UPRT: variants seen among roughly 807,000 people sequenced by gnomAD.
The protein encoded by UPRT is RP11-311P8.3.
In UPRT, 5 loss-of-function variants were observed where a neutral mutation model predicts 22.6. That is an observed-to-expected ratio of 0.22 (90% CI 0.12 to 0.47). The LOEUF (loss-of-function observed/expected upper bound fraction) is 0.47. UPRT is among the 20% of genes least tolerant of loss of function. The pLI is 0.99. For missense variants in UPRT, 181 were observed against 239.9 expected (o/e 0.75, Z 1.62); for synonymous variants, 77 against 87.7 (o/e 0.88, Z 0.68).
chrX:75,270,796 C>T (rs376002115), upstream of UPRT, among the ~76,000 whole-genome samples: 63 of 111,252 alleles, frequency 5.7e-4, no homozygotes, highest in African/African-American at 1.8e-3. Flanking sequence ...AGGAAAACTA[C>T]GTAATGTAGG....
At chrX:75,256,079 G>A (rs1452763521) in intron 4 of UPRT, among the ~76,000 whole-genome samples, 2 of 111,323 alleles carry the variant, frequency 1.8e-5, no homozygotes, top group South Asian at 3.8e-4. Context: ...TCAACAGTGC[G>A]TGGAACTTTC....
At chrX:75,195,211 G>A (rs966543591) in intron 4 of UPRT, among the ~76,000 whole-genome samples, 16 of 112,369 alleles carry the variant, frequency 1.4e-4, no homozygotes, top group African/African-American at 3.9e-4. Context: ...GGAGCTCTTC[G>A]CCAGTCATGC....
In UPRT at chrX:75,250,402, A is replaced by G. The variant is rs1371737960; in HGVS notation, c.-446-40622A>G. ...ATATCACCACCGATCCCACAGAAAT[A>G]CAAACTACCATGAAAGAATACTATA... is the stretch of plus-strand genomic sequence containing the variant. On this transcript the variant is annotated intron_variant, in intron 4 of 13. Coordinates refer to the UPRT transcript ENST00000652605. Among the ~76,000 whole-genome samples the G allele has an allele frequency of 2.7e-5, 3 of 111,369 alleles. No individual in the cohort carries two copies. The Admixed American group carries it at 2.9e-4, about 11-fold the overall frequency.
chrX:75,300,047 G>T, intron 5 of UPRT, 151 bp downstream of exon 5: 1 of 611,727 alleles, frequency 1.6e-6, no homozygotes. Flanking sequence ...TCACTGGAGA[G>T]TTTTTATTGC....
At chrX:75,253,402 A>G (rs762449535) in intron 4 of UPRT, among the ~76,000 whole-genome samples, 1 of 112,549 alleles carries the variant, frequency 8.9e-6, no homozygotes, top group East Asian at 2.8e-4. Context: ...ATAAAAAGTC[A>G]AAAAATAACA....
chrX:75,246,323 C>T (rs1319476865), intron 4 of UPRT, among the ~76,000 whole-genome samples: 2 of 97,526 alleles, frequency 2.1e-5, no homozygotes, highest in Admixed American at 1.2e-4. Context: ...TCTCATTGTT[C>T]AATTCCCACC....
chrX:75,191,454 T>C (rs2082314731), intron 4 of UPRT, among the ~76,000 whole-genome samples: 1 of 83,540 alleles, frequency 1.2e-5, no homozygotes, highest in South Asian at 6.6e-4. Flanking sequence ...AGTCTGTCTG[T>C]TCTCAGATCT....
intron 4 of UPRT, among the ~76,000 whole-genome samples, chrX:75,170,977 G>A (rs1014578909): frequency 9.0e-6 from 1 of 111,351 alleles, no homozygotes; most frequent in Non-Finnish European, 1.9e-5. Flanking sequence ...TAGGTTCCCT[G>A]GTGTTTTTGC....
chrX:75,174,318 G>A (rs778047396), intron 4 of UPRT, among the ~76,000 whole-genome samples: 23 of 111,720 alleles, frequency 2.1e-4, no homozygotes, highest in African/African-American at 5.5e-4. Context: ...CCAGTGGGTC[G>A]GTCCAGGGGT....
At chrX:75,267,027 T>A (rs968052378) in intron 4 of UPRT, among the ~76,000 whole-genome samples, 1 of 111,521 alleles carries the variant, frequency 9.0e-6, no homozygotes. Flanking sequence ...GAAGACAGTA[T>A]GGCGATTCGT....
At chrX:75,194,727 C>T (rs2082327752) in intron 4 of UPRT, among the ~76,000 whole-genome samples, 1 of 111,017 alleles carries the variant, frequency 9.0e-6, no homozygotes, top group East Asian at 2.8e-4. Flanking sequence ...TGATGGTCTC[C>T]GTGCATAGTT....
intron 4 of UPRT, among the ~76,000 whole-genome samples, chrX:75,236,221 C>A (rs932731031): frequency 9.0e-6 from 1 of 111,279 alleles, no homozygotes; most frequent in Admixed American, 9.6e-5. Context: ...GAATAAAATA[C>A]CGAGGAATCC....
At chrX:75,289,797 A>G (rs1165167046) in intron 1 of UPRT, among the ~76,000 whole-genome samples, 1 of 112,071 alleles carries the variant, frequency 8.9e-6, no homozygotes. Context: ...TTCACCATGT[A>G]GAAAACTTAA....
chrX:75,289,470 G>A (rs2082696941), intron 1 of UPRT, among the ~76,000 whole-genome samples: 1 of 109,225 alleles, frequency 9.2e-6, no homozygotes, highest in African/African-American at 3.3e-5. Flanking sequence ...TCTGAAATTC[G>A]TATGGTGCCC....
intron 4 of UPRT, among the ~76,000 whole-genome samples, chrX:75,253,710 C>T (rs2082539780): frequency 8.9e-6 from 1 of 111,926 alleles, no homozygotes; most frequent in African/African-American, 3.2e-5. Flanking sequence ...CAGATTGCCC[C>T]TGCAGGACCT....
intron 1 of UPRT, among the ~76,000 whole-genome samples, chrX:75,156,926 C>G (rs5981782): frequency 9.2e-5 from 10 of 108,931 alleles, no homozygotes; most frequent in African/African-American, 3.4e-4. Flanking sequence ...CACACACACA[C>G]AGAGAGACTA....
upstream of UPRT, among the ~76,000 whole-genome samples, chrX:75,273,336 A>G: frequency 9.0e-6 from 1 of 111,149 alleles, no homozygotes; most frequent in Non-Finnish European, 1.9e-5. Context: ...AAGTTAAAAA[A>G]AAAAAAAGAT....
At chrX:75,264,337 A>G (rs1197179558) in intron 4 of UPRT, among the ~76,000 whole-genome samples, 1 of 111,323 alleles carries the variant, frequency 9.0e-6, no homozygotes, top group Non-Finnish European at 1.9e-5. Flanking sequence ...AAAGTCTCCC[A>G]TTATTATTGT....
chrX:75,261,787 A>G (rs1388672346), intron 4 of UPRT, among the ~76,000 whole-genome samples: 1 of 111,606 alleles, frequency 9.0e-6, no homozygotes, highest in Non-Finnish European at 1.9e-5. Context: ...ATACTGGCAA[A>G]TCGAATCCAG....
Sources: gnomAD v4.1 joint callset for allele counts (sites outside exome capture counted in the v4.1 genomes callset) on GRCh38, gnomAD v4.1.1 for gene constraint, MANE v1.5 for transcripts, NCBI Gene and HGNC (gene_info 2026-07-23, HGNC 2026-07-21) for gene names.